Variants in PTPRT observed in about 807,000 individuals in gnomAD.
The protein encoded by PTPRT is protein tyrosine phosphatase receptor type T.
In PTPRT, 56 loss-of-function variants were observed where a neutral mutation model predicts 176.8. The ratio of observed to expected loss-of-function variants is 0.32; its 90% CI spans 0.26 to 0.40. The LOEUF (loss-of-function observed/expected upper bound fraction) is 0.40, where lower values mean the gene tolerates loss of function less well. PTPRT is among the 10% of genes least tolerant of loss of function. The probability of loss-of-function intolerance (pLI) is 1.00; values close to 1 mark genes in which losing one functional copy is unlikely to be tolerated. For missense variants in PTPRT, 1,540 were observed against 1,908.2 expected, an observed-to-expected ratio of 0.81 and a Z score of 3.60; for synonymous variants, 783 against 739.0, an observed-to-expected ratio of 1.06 and a Z score of -0.96.
chr20:42,932,256 T>C (rs1451031993), intron 1 of PTPRT, among the ~76,000 whole-genome samples: 1 of 152,198 alleles, frequency 6.6e-6, no homozygotes, highest in Non-Finnish European at 1.5e-5. Flanking sequence ...GACCTCCCCA[T>C]GAGGATCCTG....
intron 6 of PTPRT, among the ~76,000 whole-genome samples, chr20:42,751,097 G>A (rs931717259): frequency 7.9e-5 from 12 of 152,262 alleles, no homozygotes; most frequent in Middle Eastern, 6.8e-3. Context: ...AGGATCACAC[G>A]TGAGCTGTGA....
intron 1 of PTPRT, among the ~76,000 whole-genome samples, chr20:43,179,038 T>G (rs148058596): frequency 2.6e-5 from 4 of 152,278 alleles, no homozygotes; most frequent in Non-Finnish European, 5.9e-5. Context: ...CACCCCCGAA[T>G]GAAACAATTA....
chr20:42,815,836 T>C (rs1423169266), intron 2 of PTPRT, among the ~76,000 whole-genome samples: 2 of 152,170 alleles, frequency 1.3e-5, no homozygotes, highest in African/African-American at 2.4e-5. Context: ...TAGTCAAAAA[T>C]TGTATACCCA....
In PTPRT at chr20:42,629,944, C is replaced by T. The variant is rs186862189; in HGVS notation, c.1153+47922G>A. On this transcript the variant is annotated intron_variant, in intron 7 of 30. Coordinates refer to ENST00000373187, the MANE Select transcript of PTPRT (RefSeq NM_007050.6). Reference sequence around the variant, plus strand: ...GAGTCTCAGCTGTGATTTCTACTGCCGGGTGTCCCCATAGAAGTCTGCATC... The same window carrying T: ...GAGTCTCAGCTGTGATTTCTACTGCTGGGTGTCCCCATAGAAGTCTGCATC... Among the ~76,000 whole-genome samples the T allele has an allele frequency of 1.2e-4, 19 of 152,236 alleles. No homozygotes were observed. The East Asian group carries it at 2.5e-3, about 20-fold the overall frequency.
chr20:42,073,831 C>G lies in PTPRT; in HGVS notation c.*7048G>C, dbSNP rs1006560726. The G allele has an allele frequency of 4.4e-6, 1 of 226,382 alleles. No homozygotes were observed. The allele number at this position is 226,382 out of a possible 1,614,324, so 14.0% of individuals were successfully genotyped here. On this transcript the variant is annotated 3_prime_UTR_variant, in exon 31 of 31. Transcript: ENST00000373187. ...GAGTTCAAACATGATCCCAGCTCCACAAGATCTCACCCATCTGGAATGGAA... is the reference window on the plus strand; with the variant it reads ...GAGTTCAAACATGATCCCAGCTCCAGAAGATCTCACCCATCTGGAATGGAA...
intron 7 of PTPRT, among the ~76,000 whole-genome samples, chr20:42,615,428 T>C (rs2074055981): frequency 7.2e-6 from 1 of 138,288 alleles, no homozygotes; most frequent in East Asian, 2.0e-4. Flanking sequence ...GCAGCATGAT[T>C]TATAGTCATT....
intron 13 of PTPRT, among the ~76,000 whole-genome samples, chr20:42,255,218 A>T (rs1225853580): frequency 6.6e-6 from 1 of 152,246 alleles, no homozygotes; most frequent in Non-Finnish European, 1.5e-5. Context: ...TCTAGATGCC[A>T]TCACTAATGG....
At chr20:42,263,761 A>G (rs746539913) in intron 13 of PTPRT, among the ~76,000 whole-genome samples, 31 of 151,540 alleles carry the variant, frequency 2.0e-4, no homozygotes, top group Admixed American at 3.9e-4. Context: ...CTGGGCTCAA[A>G]CAATTCACTG....
At chr20:42,498,509 A>G (rs1321693074) in intron 7 of PTPRT, among the ~76,000 whole-genome samples, 1 of 152,122 alleles carries the variant, frequency 6.6e-6, no homozygotes, top group African/African-American at 2.4e-5. Context: ...TTTTGCTCCA[A>G]AATATACTTC....
chr20:42,884,517 G>T (rs1193215794), intron 2 of PTPRT, among the ~76,000 whole-genome samples: 3 of 152,108 alleles, frequency 2.0e-5, no homozygotes, highest in African/African-American at 7.2e-5. Flanking sequence ...GCTGGGCAGT[G>T]GGTTGTGTAG....
At chr20:42,767,546 T>C (rs2076999715) in intron 5 of PTPRT, among the ~76,000 whole-genome samples, 1 of 151,700 alleles carries the variant, frequency 6.6e-6, no homozygotes, top group African/African-American at 2.4e-5. Context: ...TCCTTCCATA[T>C]AGGAAGGACA....
chr20:42,883,955 AC>A (rs1297800094), intron 2 of PTPRT, among the ~76,000 whole-genome samples: 2 of 150,628 alleles, frequency 1.3e-5, no homozygotes, highest in African/African-American at 4.9e-5. Flanking sequence ...ACACCCATAC[AC>A]CCCCATACAC....
intron 2 of PTPRT, among the ~76,000 whole-genome samples, chr20:42,875,832 C>T (rs1439447976): frequency 6.6e-6 from 1 of 152,308 alleles, no homozygotes; most frequent in Middle Eastern, 3.4e-3. Flanking sequence ...CTAACGATGA[C>T]CTGGGCAAGT....
intron 7 of PTPRT, among the ~76,000 whole-genome samples, chr20:42,640,587 C>T (rs1395014361): frequency 6.6e-6 from 1 of 151,936 alleles, no homozygotes; most frequent in African/African-American, 2.4e-5. Flanking sequence ...TAGGTTTTCA[C>T]CATGTTGGCC....
chr20:42,622,683 G>C (rs187943412), intron 7 of PTPRT, among the ~76,000 whole-genome samples: 1 of 152,112 alleles, frequency 6.6e-6, no homozygotes, highest in Non-Finnish European at 1.5e-5. Context: ...TAGAACAATA[G>C]ATGTCGAAAT....
At chr20:42,201,286 T>G (rs1035238085) in intron 15 of PTPRT, among the ~76,000 whole-genome samples, 1 of 151,884 alleles carries the variant, frequency 6.6e-6, no homozygotes, top group Non-Finnish European at 1.5e-5. Flanking sequence ...GGTGACAGAG[T>G]GAGACCCCAT....
At chr20:42,857,922 T>C (rs1349880670) in intron 2 of PTPRT, among the ~76,000 whole-genome samples, 1 of 152,114 alleles carries the variant, frequency 6.6e-6, no homozygotes, top group Non-Finnish European at 1.5e-5. Flanking sequence ...TGCCCCCTTT[T>C]TACTTTTTCT....
intron 3 of PTPRT, among the ~76,000 whole-genome samples, chr20:42,787,468 C>T (rs2077308306): frequency 1.3e-5 from 2 of 152,314 alleles, no homozygotes; most frequent in East Asian, 3.9e-4. Flanking sequence ...AGAACTCCCA[C>T]GTGGGTAACT....
At chr20:42,380,655 G>T (rs1034599863) in intron 9 of PTPRT, among the ~76,000 whole-genome samples, 1 of 152,190 alleles carries the variant, frequency 6.6e-6, no homozygotes, top group African/African-American at 2.4e-5. Flanking sequence ...GGCTCTTAGC[G>T]TAGCTTTGCA....
Sources: gnomAD v4.1 joint callset for allele counts (sites outside exome capture counted in the v4.1 genomes callset) on GRCh38, gnomAD v4.1.1 for gene constraint, MANE v1.5 for transcripts, NCBI Gene and HGNC (gene_info 2026-07-23, HGNC 2026-07-21) for gene names.